Variants in ARMC9 observed in about 807,000 individuals in gnomAD.
ARMC9 encodes the protein armadillo repeat containing 9, also known as lisH domain-containing protein ARMC9.
ARMC9 carries 94 observed loss-of-function variants against 107.0 expected under a neutral mutation model. The observed-to-expected ratio is 0.88, with a 90% CI of 0.74 to 1.04. The LOEUF (loss-of-function observed/expected upper bound fraction) is 1.04. Ranked by LOEUF, ARMC9 falls within the 50% of genes least tolerant of loss-of-function variation. ARMC9 has a pLI of 0.00. For missense variants in ARMC9, 942 were observed against 1,030.1 expected (o/e 0.91, Z 1.17); for synonymous variants, 380 against 396.9 (o/e 0.96, Z 0.51).
At chr2:231,222,694 T>C in intron 5 of ARMC9, 34 bp from the exon 6 acceptor site, 2 of 1,217,420 alleles carry the variant, frequency 1.6e-6, no homozygotes, top group Non-Finnish European at 1.2e-6. Flanking sequence ...CTTAGTAATC[T>C]AATGTTTGTA....
At chr2:231,239,752 C>G (rs1028331269) in intron 8 of ARMC9, among the ~76,000 whole-genome samples, 191 bp from the exon 9 acceptor site, 5 of 152,212 alleles carry the variant, frequency 3.3e-5, no homozygotes, top group Non-Finnish European at 5.9e-5. Flanking sequence ...CTTGTTCTGT[C>G]AGGGCCGGTA....
intron 21 of ARMC9, among the ~76,000 whole-genome samples, chr2:231,354,338 A>G (rs902309928): frequency 6.9e-6 from 1 of 145,408 alleles, no homozygotes; most frequent in Admixed American, 6.9e-5. Context: ...GGCTGGTTAC[A>G]TGTCTCCTTA....
At position 231,374,273 on chromosome 2, in the gene ARMC9, C is replaced by T. The variant is rs533276040; in HGVS notation, c.*2738C>T. On this transcript the variant is annotated 3_prime_UTR_variant, in exon 25 of 25. Transcript: ENST00000611582. ...AAGCCACAGAGAGGGATCTTTGGAC[C>T]TTCTGGAAAATGGTAAGGCCCCAGG... 2.0e-5 allele frequency: 3 copies of T among 152,244 alleles called. No homozygotes were observed. The highest frequency in any genetic ancestry group is 4.8e-5 in the African/African-American group (2 of 41,530). 9.4% of individuals were successfully genotyped at this position (152,244 alleles called of 1,614,324 possible).
chr2:231,252,569 G>A (rs1165617243), intron 9 of ARMC9, among the ~76,000 whole-genome samples: 1 of 152,096 alleles, frequency 6.6e-6, no homozygotes, highest in Non-Finnish European at 1.5e-5. Flanking sequence ...TTTTAGTATG[G>A]CCATGTCCTT....
intron 19 of ARMC9, among the ~76,000 whole-genome samples, chr2:231,318,592 G>A (rs2042833568): frequency 6.6e-6 from 1 of 152,094 alleles, no homozygotes. Flanking sequence ...CCAGGCCCTG[G>A]GGTGTCACTG....
chr2:231,323,658 A>G (rs1357913694), intron 19 of ARMC9, among the ~76,000 whole-genome samples: 2 of 152,188 alleles, frequency 1.3e-5, no homozygotes, highest in African/African-American at 4.8e-5. Context: ...GGCGTTCCAA[A>G]AGCAGAGAAT....
rs2039467877 is a variant in ARMC9, at chr2:231,272,983, G to T, written c.1239G>T (p.Lys413Asn). The change falls in exon 14 of 25, where the codon AAG becomes AAT. Residue 413 changes from lysine to asparagine, a missense_variant. Coordinates refer to ENST00000611582, the MANE Select transcript of ARMC9 (RefSeq NM_001352754.2). ...GCCTCTACCTTGCCCAGAACACAAA[G>T]GTGCTGCAGATGCTGGAGGGAAGGC... Reference protein sequence around the residue: ...EGRLYLAQNTKVLQMLEGRLK... With the variant: ...EGRLYLAQNTNVLQMLEGRLK... 6.2e-7 allele frequency: 1 copy of T among 1,613,822 alleles called. No homozygotes were observed. The highest frequency in any genetic ancestry group is 1.1e-5 in the South Asian group (1 of 91,068).
At chr2:231,288,477 A>T (rs947999396) in intron 17 of ARMC9, among the ~76,000 whole-genome samples, 4 of 152,152 alleles carry the variant, frequency 2.6e-5, no homozygotes, top group Non-Finnish European at 5.9e-5. Flanking sequence ...TCAGGGGAAA[A>T]TTTCCCTTGA....
In ARMC9 at chr2:231,256,020, A is replaced by G. The variant is rs1479243164; in HGVS notation, c.880-566A>G. 21 of 1,366,910 alleles carry G rather than the reference A, an allele frequency of 1.5e-5. No homozygotes were observed. The Admixed American group carries it at 5.3e-4, about 34-fold the overall frequency. The allele number at this position is 1,366,910 out of a possible 1,614,324, so 84.7% of individuals were successfully genotyped here. A position where few individuals can be genotyped will look rare whatever the true frequency, so the allele number is the denominator to read the frequency against. On this transcript the variant is annotated intron_variant, in intron 9 of 24. Coordinates refer to ENST00000611582, the MANE Select transcript of ARMC9 (RefSeq NM_001352754.2). Reference sequence around the variant, plus strand: ...GCGCCACTGCTCTCCAGCCTGGGTGACAGAGCAAGACTCAGTCTCAAAAAA... The same window carrying G: ...GCGCCACTGCTCTCCAGCCTGGGTGGCAGAGCAAGACTCAGTCTCAAAAAA...
At chr2:231,318,017 T>G (rs1016773992) in intron 19 of ARMC9, among the ~76,000 whole-genome samples, 4 of 151,976 alleles carry the variant, frequency 2.6e-5, no homozygotes, top group African/African-American at 9.7e-5. Flanking sequence ...GTTTCTCTTG[T>G]CTATTTTTCC....
chr2:231,302,614 A>C (rs1003925724), intron 19 of ARMC9, among the ~76,000 whole-genome samples: 2 of 152,176 alleles, frequency 1.3e-5, no homozygotes, highest in Admixed American at 1.3e-4. Context: ...AAGCCTTTTC[A>C]GATAGATATT....
At chr2:231,322,063 T>C (rs2043027860) in intron 19 of ARMC9, among the ~76,000 whole-genome samples, 1 of 152,252 alleles carries the variant, frequency 6.6e-6, no homozygotes, top group Non-Finnish European at 1.5e-5. Flanking sequence ...TTCTGTCATA[T>C]CCTTATTTAA....
intron 21 of ARMC9, among the ~76,000 whole-genome samples, chr2:231,355,182 TA>T (rs1409580321): frequency 6.6e-6 from 1 of 151,872 alleles, no homozygotes; most frequent in Non-Finnish European, 1.5e-5. Flanking sequence ...CTACAAAAAA[TA>T]AAAAAATCAG....
At chr2:231,319,271 A>G (rs998988262) in intron 19 of ARMC9, among the ~76,000 whole-genome samples, 1 of 152,206 alleles carries the variant, frequency 6.6e-6, no homozygotes, top group African/African-American at 2.4e-5. Flanking sequence ...GGGACCAGGT[A>G]GCCTTGTAGA....
chr2:231,269,460 A>G (rs1176729115), intron 12 of ARMC9, among the ~76,000 whole-genome samples: 2 of 130,742 alleles, frequency 1.5e-5, no homozygotes, highest in African/African-American at 3.1e-5. Flanking sequence ...ATCTCAGCTC[A>G]CTGCAGCCTC....
Position 231,331,904 on chromosome 2 carries a change from G to A in ARMC9, c.1878+7G>A. ...GACCACGGAGTACCTGGGGGTAAGTGCCACACAAAGGGTGGGGATCCTGAA... is the reference window on the plus strand; with the variant it reads ...GACCACGGAGTACCTGGGGGTAAGTACCACACAAAGGGTGGGGATCCTGAA... On this transcript the variant is annotated splice_region_variant and intron_variant, in intron 20 of 24. Coordinates refer to ENST00000611582, the MANE Select transcript of ARMC9 (RefSeq NM_001352754.2). 1 of 1,604,256 alleles carries A rather than the reference G, an allele frequency of 6.2e-7. No individual in the cohort carries two copies. The highest frequency in any genetic ancestry group is 8.5e-7 in the Non-Finnish European group (1 of 1,171,770).
chr2:231,315,170 C>G (rs1437058445), intron 19 of ARMC9, among the ~76,000 whole-genome samples: 2 of 146,708 alleles, frequency 1.4e-5, no homozygotes, highest in African/African-American at 5.1e-5. Flanking sequence ...ACCTGGGAGG[C>G]AGAAGTTGCA....
chr2:231,298,138 T>C (rs2041495163), intron 19 of ARMC9, among the ~76,000 whole-genome samples: 1 of 152,244 alleles, frequency 6.6e-6, no homozygotes, highest in Admixed American at 6.5e-5. Flanking sequence ...AAAATACTTG[T>C]GATAACTAGA....
chr2:231,350,177 C>T (rs1236896074), intron 21 of ARMC9, among the ~76,000 whole-genome samples: 1 of 151,988 alleles, frequency 6.6e-6, no homozygotes, highest in African/African-American at 2.4e-5. Flanking sequence ...AGGCACCCGC[C>T]ACCACACCTG....
Sources: gnomAD v4.1 joint callset for allele counts (sites outside exome capture counted in the v4.1 genomes callset) on GRCh38, gnomAD v4.1.1 for gene constraint, MANE v1.5 for transcripts, NCBI Gene and HGNC (gene_info 2026-07-23, HGNC 2026-07-21) for gene names.